Variants in ADAMTS17 observed in about 807,000 individuals in gnomAD.
ADAMTS17 encodes the protein ADAM metallopeptidase with thrombospondin type 1 motif 17, also known as A disintegrin and metalloproteinase with thrombospondin motifs 17.
ADAMTS17 carries 113 observed loss-of-function variants against 141.5 expected under a neutral mutation model. The ratio of observed to expected loss-of-function variants is 0.80; its 90% CI spans 0.69 to 0.93. ADAMTS17 has a LOEUF of 0.93. Among genes scored for constraint, ADAMTS17 ranks in the 40% least tolerant of loss-of-function variants. The probability of loss-of-function intolerance (pLI) is 0.00; values close to 1 mark genes in which losing one functional copy is unlikely to be tolerated. For missense variants in ADAMTS17, 1,659 were observed against 1,517.9 expected (o/e 1.09, Z -1.54); for synonymous variants, 768 against 630.6 (o/e 1.22, Z -3.27).
chr15:100,339,979 G>A (rs1173475577), intron 2 of ADAMTS17, among the ~76,000 whole-genome samples: 1 of 152,240 alleles, frequency 6.6e-6, no homozygotes, highest in Non-Finnish European at 1.5e-5. Flanking sequence ...ATTCTAGATG[G>A]TGGCACAAGA....
chr15:100,085,458 G>T (rs969467049), intron 15 of ADAMTS17, among the ~76,000 whole-genome samples: 29 of 149,894 alleles, frequency 1.9e-4, no homozygotes, highest in Non-Finnish European at 2.5e-4. Flanking sequence ...ATCTAGCAAG[G>T]CAGGCCAACA....
At chr15:100,123,902 TC>T (rs767587449) in intron 12 of ADAMTS17, among the ~76,000 whole-genome samples, 8 of 152,114 alleles carry the variant, frequency 5.3e-5, no homozygotes, top group Non-Finnish European at 7.4e-5. Context: ...TGACCAGTCA[TC>T]GGGGTGTGAT....
At chr15:100,199,264 C>G (rs148895101) in intron 8 of ADAMTS17, 54 bp downstream of exon 8, 101 of 1,487,716 alleles carry the variant, frequency 6.8e-5, no homozygotes, top group Non-Finnish European at 9.0e-5. Flanking sequence ...AGTGAAAAAT[C>G]TGCACTCAAA....
chr15:100,066,613 T>C (rs1047505597), intron 15 of ADAMTS17, among the ~76,000 whole-genome samples: 1 of 152,182 alleles, frequency 6.6e-6, no homozygotes, highest in African/African-American at 2.4e-5. Flanking sequence ...AGAAATGGTG[T>C]TCTTGGGCAT....
At chr15:100,296,342 A>C (rs1386044868) in intron 3 of ADAMTS17, among the ~76,000 whole-genome samples, 2 of 152,198 alleles carry the variant, frequency 1.3e-5, no homozygotes, top group Non-Finnish European at 2.9e-5. Flanking sequence ...CCACATGTGC[A>C]GAACTCCTAG....
At chr15:99,978,427 T>G (rs528661430) in intron 20 of ADAMTS17, 14 of 152,304 alleles carry the variant, frequency 9.2e-5, no homozygotes, top group African/African-American at 3.1e-4. Flanking sequence ...CCCCGGCACG[T>G]TCAAACTGGA....
In ADAMTS17 at chr15:100,173,159, C is replaced by T. The variant is rs369550615; in HGVS notation, c.1182-17839G>A. Among the ~76,000 whole-genome samples the T allele has an allele frequency of 1.9e-4, 29 of 152,264 alleles. No individual in the cohort carries two copies. In the East Asian group the frequency reaches 2.5e-3, roughly 13 times the overall value. On this transcript the variant is annotated intron_variant, in intron 8 of 21. Coordinates refer to ENST00000268070, the MANE Select transcript of ADAMTS17 (RefSeq NM_139057.4). Reference sequence around the variant, plus strand: ...ACTCTTGCACTATTTTAACCCAGTACTCCATTTTTCTAAGATAGTTTAATT... The same window carrying T: ...ACTCTTGCACTATTTTAACCCAGTATTCCATTTTTCTAAGATAGTTTAATT...
At chr15:100,007,524 G>A (rs1224509596) in intron 18 of ADAMTS17, among the ~76,000 whole-genome samples, 2 of 151,970 alleles carry the variant, frequency 1.3e-5, no homozygotes, top group Non-Finnish European at 2.9e-5. Context: ...GGGTTCAACC[G>A]ATTCTCCTGC....
At position 99,973,232 on chromosome 15, in the gene ADAMTS17, G is replaced by A. The variant is rs2060248538; in HGVS notation, c.*1170C>T. 2.0e-5 allele frequency: 3 copies of A among 152,112 alleles called. No individual in the cohort carries two copies. The highest frequency in any genetic ancestry group is 6.5e-5 in the Admixed American group (1 of 15,270). 9.4% of individuals were successfully genotyped at this position (152,112 alleles called of 1,614,324 possible). A position where few individuals can be genotyped will look rare whatever the true frequency, so the allele number is the denominator to read the frequency against. The stretch of plus-strand genomic sequence containing the variant: ...ATGGGTCAATGATGACAGGCGTGAT[G>A]ATAATGGGTACCACAAAGTCTGGGG... On this transcript the variant is annotated 3_prime_UTR_variant, in exon 22 of 22. Coordinates refer to ENST00000268070, the MANE Select transcript of ADAMTS17 (RefSeq NM_139057.4).
rs911814836 is a variant in ADAMTS17 at position 100,217,367 on chromosome 15, C to T, written c.1076-17944G>A. ...TTAGAAGCAGTTTGGGAGGACAAGG[C>T]AGGCGGACCACCTGAGGTCCAGGAG... On this transcript the variant is annotated intron_variant, in intron 7 of 21. Transcript: ENST00000268070. Among the ~76,000 whole-genome samples, 4 of 152,144 alleles carry T rather than the reference C, an allele frequency of 2.6e-5. 1 individual carries two copies. In the South Asian group the frequency reaches 8.3e-4, roughly 32 times the overall value.
intron 7 of ADAMTS17, among the ~76,000 whole-genome samples, chr15:100,208,927 C>T (rs544125735): frequency 4.6e-5 from 7 of 152,182 alleles, no homozygotes; most frequent in African/African-American, 1.7e-4. Flanking sequence ...CTGTATCACT[C>T]GTATTTCTCG....
chr15:100,046,860 T>C (rs1044209663), intron 18 of ADAMTS17, among the ~76,000 whole-genome samples: 9 of 152,146 alleles, frequency 5.9e-5, no homozygotes, highest in Non-Finnish European at 1.0e-4. Flanking sequence ...TTGAACAATA[T>C]GAAATCTGGG....
chr15:99,999,826 C>T (rs1469172778), intron 18 of ADAMTS17, among the ~76,000 whole-genome samples: 6 of 152,122 alleles, frequency 3.9e-5, no homozygotes, highest in African/African-American at 4.8e-5. Context: ...GCATCTCTGG[C>T]GCTGAGAAGA....
At chr15:100,236,818 A>C (rs146814223) in intron 7 of ADAMTS17, among the ~76,000 whole-genome samples, 118 of 152,270 alleles carry the variant, frequency 7.7e-4, no homozygotes, top group African/African-American at 2.6e-3. Flanking sequence ...AGTCTGGGCA[A>C]CAGAGTGAGA....
chr15:100,171,550 T>C (rs1043105877), intron 8 of ADAMTS17, among the ~76,000 whole-genome samples: 1 of 152,152 alleles, frequency 6.6e-6, no homozygotes, highest in African/African-American at 2.4e-5. Context: ...TTTGCCCCCA[T>C]CTGGATGCCA....
chr15:100,183,245 TC>T (rs1166219816), intron 8 of ADAMTS17, among the ~76,000 whole-genome samples: 2 of 152,084 alleles, frequency 1.3e-5, no homozygotes, highest in East Asian at 3.9e-4. Context: ...TGCCTTGGCC[TC>T]CCCCAAAGTG....
At chr15:99,999,596 A>G (rs2060878323) in intron 18 of ADAMTS17, among the ~76,000 whole-genome samples, 1 of 152,168 alleles carries the variant, frequency 6.6e-6, no homozygotes, top group Non-Finnish European at 1.5e-5. Flanking sequence ...TGAGATACCT[A>G]GGGCCTGGCT....
intron 20 of ADAMTS17, among the ~76,000 whole-genome samples, chr15:99,984,998 C>T (rs970468890): frequency 2.0e-5 from 3 of 152,250 alleles, no homozygotes; most frequent in African/African-American, 4.8e-5. Context: ...CATGGCCCTG[C>T]GGCCCGCCTC....
At chr15:100,053,767 G>T in intron 16 of ADAMTS17, 130 bp downstream of exon 16, 2 of 1,335,176 alleles carry the variant, frequency 1.5e-6, no homozygotes, top group Non-Finnish European at 2.1e-6. Flanking sequence ...AGCAGGGGAC[G>T]GCATAAACCC....
Sources: allele counts gnomAD v4.1 joint callset (sites outside exome capture counted in the v4.1 genomes callset), GRCh38; gene constraint gnomAD v4.1.1; transcripts MANE v1.5; gene names NCBI Gene and HGNC (gene_info 2026-07-23, HGNC 2026-07-21).